UNC80: variants seen among roughly 807,000 people sequenced by gnomAD.
UNC80 encodes the protein protein unc-80 homolog.
UNC80 carries 164 observed loss-of-function variants against 384.6 expected under a neutral mutation model. That is an observed-to-expected ratio of 0.43 (90% CI 0.38 to 0.49). The LOEUF (loss-of-function observed/expected upper bound fraction) is 0.49. Among genes scored for constraint, UNC80 ranks in the 20% least tolerant of loss-of-function variants. The pLI, the probability that UNC80 is intolerant of heterozygous loss-of-function variation, is 0.00. For missense variants in UNC80, 3,330 were observed against 4,143.0 expected (o/e 0.80, Z 5.39); for synonymous variants, 1,486 against 1,527.8 (o/e 0.97, Z 0.64).
At chr2:209,835,922 A>C (rs1353096134) in intron 18 of UNC80, among the ~76,000 whole-genome samples, 1 of 152,200 alleles carries the variant, frequency 6.6e-6, no homozygotes, top group African/African-American at 2.4e-5. Context: ...TCAAAATCTT[A>C]GAAATTTTGT....
intron 51 of UNC80, among the ~76,000 whole-genome samples, chr2:209,963,523 TAGAC>T (rs2092658510): frequency 6.6e-6 from 1 of 152,236 alleles, no homozygotes; most frequent in South Asian, 2.1e-4. Context: ...AAGCTCAAAA[TAGAC>T]AGATTGATTA....
chr2:209,914,831 C>A (rs999272112), intron 31 of UNC80, among the ~76,000 whole-genome samples: 2 of 151,710 alleles, frequency 1.3e-5, no homozygotes, highest in Non-Finnish European at 2.9e-5. Context: ...TATAGTTTTA[C>A]CTCTTCTCTT....
intron 40 of UNC80, among the ~76,000 whole-genome samples, chr2:209,936,224 G>A (rs1352027502): frequency 6.6e-6 from 1 of 152,122 alleles, no homozygotes; most frequent in Non-Finnish European, 1.5e-5. Context: ...ACGATGAATG[G>A]TAGGATAGCA....
At chr2:209,815,198 T>C in intron 8 of UNC80, 59 bp from the exon 9 acceptor site, 1 of 1,487,670 alleles carries the variant, frequency 6.7e-7, no homozygotes, top group Non-Finnish European at 9.0e-7. Flanking sequence ...GACATTTCAA[T>C]AAGAACAGTA....
intron 28 of UNC80, among the ~76,000 whole-genome samples, chr2:209,899,862 C>A (rs1439023207): frequency 6.6e-6 from 1 of 152,194 alleles, no homozygotes; most frequent in Non-Finnish European, 1.5e-5. Flanking sequence ...AAACTGTCAT[C>A]CAGTGTCAGT....
chr2:209,946,401 A>G (rs2091919161), intron 47 of UNC80, among the ~76,000 whole-genome samples: 1 of 151,912 alleles, frequency 6.6e-6, no homozygotes. Context: ...GAAAAAAGAA[A>G]AGGAAAGAAG....
chr2:209,892,348 T>C (rs905449916), intron 26 of UNC80, among the ~76,000 whole-genome samples: 2 of 152,174 alleles, frequency 1.3e-5, no homozygotes, highest in African/African-American at 4.8e-5. Context: ...ACTTTTGTAC[T>C]AGTTCTTGTT....
intron 22 of UNC80, among the ~76,000 whole-genome samples, chr2:209,859,653 G>A (rs1233674803): frequency 2.0e-5 from 3 of 152,170 alleles, no homozygotes; most frequent in Admixed American, 1.3e-4. Flanking sequence ...CATTGACAGT[G>A]TCAAAGTGTT....
chr2:209,825,982 G>A lies in UNC80; in HGVS notation c.2407G>A (p.Ala803Thr). The A allele has an allele frequency of 6.4e-7, 1 of 1,550,976 alleles. No individual in the cohort carries two copies. The highest frequency in any genetic ancestry group is 8.7e-7 in the Non-Finnish European group (1 of 1,146,536). Residue 803 changes from alanine to threonine, a missense_variant, in exon 14 of 65, where the codon GCC (alanine) becomes ACC (threonine). Ala to Thr is a moderately conservative substitution (Grantham distance 58, BLOSUM62 0). Around this residue, in one of 8 missense-constraint regions of UNC80, gnomAD observed 937 missense variants for 1,026.8 expected, o/e 0.91. Coordinates refer to ENST00000673920, the MANE Select transcript of UNC80 (RefSeq NM_001371986.1). ...LIKIVKSLGC[A>T]YGCGEGHRGL... is the part of the protein sequence containing the mutation. Reference sequence around the variant, plus strand: ...CAAAATAGTGAAGTCTTTGGGATGTGCCTATGGTTGTGGTGAAGGACACCG... The same window carrying A: ...CAAAATAGTGAAGTCTTTGGGATGTACCTATGGTTGTGGTGAAGGACACCG...
intron 28 of UNC80, among the ~76,000 whole-genome samples, chr2:209,900,327 T>C (rs780327401): frequency 3.9e-5 from 6 of 152,208 alleles, no homozygotes; most frequent in Non-Finnish European, 8.8e-5. Context: ...CTGTGGCACA[T>C]TTTGGTAGTT....
At chr2:209,969,552 C>A in intron 52 of UNC80, 1 of 547,196 alleles carries the variant, frequency 1.8e-6, no homozygotes, top group Non-Finnish European at 3.1e-6. Context: ...GTTTTTTCTT[C>A]AATAGATTTA....
intron 4 of UNC80, among the ~76,000 whole-genome samples, chr2:209,780,501 C>G (rs2077096450): frequency 6.6e-6 from 1 of 152,160 alleles, no homozygotes; most frequent in Admixed American, 6.5e-5. Context: ...TGTACAATCT[C>G]TAGATCAGGA....
At chr2:209,910,800 T>G (rs1020566026) in intron 29 of UNC80, among the ~76,000 whole-genome samples, 1 of 152,038 alleles carries the variant, frequency 6.6e-6, no homozygotes, top group Admixed American at 6.6e-5. Flanking sequence ...ATTTGCAAAA[T>G]TTAAGAATCA....
At chr2:209,774,741 C>G (rs1329557321) in intron 2 of UNC80, among the ~76,000 whole-genome samples, 1 of 152,046 alleles carries the variant, frequency 6.6e-6, no homozygotes, top group African/African-American at 2.4e-5. Context: ...ATTTATATCA[C>G]CAACATATCT....
chr2:209,796,492 A>C (rs2078164998), intron 7 of UNC80: 1 of 152,196 alleles, frequency 6.6e-6, no homozygotes. Flanking sequence ...TTGGAGGCGC[A>C]AGGGGTGGAA....
intron 30 of UNC80, among the ~76,000 whole-genome samples, chr2:209,913,137 T>G (rs2089142328): frequency 6.6e-6 from 1 of 152,240 alleles, no homozygotes; most frequent in Non-Finnish European, 1.5e-5. Context: ...AAATGGTTCA[T>G]GTACCTACTT....
chr2:209,823,719 T>C (rs917563896), intron 13 of UNC80, among the ~76,000 whole-genome samples: 15 of 151,978 alleles, frequency 9.9e-5, no homozygotes, highest in Non-Finnish European at 1.5e-4. Context: ...TCTATTATTA[T>C]ATGCCTTTCA....
At position 209,887,951 on chromosome 2, in the gene UNC80, C is replaced by T. The variant is rs187686348; in HGVS notation, c.4111-144C>T. 1,117 of 656,356 alleles carry T rather than the reference C, an allele frequency of 1.7e-3. 14 individuals carry two copies. The highest frequency in any genetic ancestry group is 1.7e-4 in the Non-Finnish European group (68 of 397,912). The allele number at this position is 656,356 out of a possible 1,614,324, so 40.7% of individuals were successfully genotyped here. ...TAAGTCAAGAATAGATTTGCATGGTCACAATCTAAAATTAGCGTCAGATAA... is the reference window on the plus strand; with the variant it reads ...TAAGTCAAGAATAGATTTGCATGGTTACAATCTAAAATTAGCGTCAGATAA... On this transcript the variant is annotated intron_variant, in intron 25 of 64. Coordinates refer to ENST00000673920, the MANE Select transcript of UNC80 (RefSeq NM_001371986.1).
intron 2 of UNC80, among the ~76,000 whole-genome samples, chr2:209,773,764 A>G (rs1404919895): frequency 6.6e-6 from 1 of 152,228 alleles, no homozygotes; most frequent in African/African-American, 2.4e-5. Context: ...TGAAAGAACT[A>G]CTTGAACAAA....
Sources: allele counts gnomAD v4.1 joint callset (sites outside exome capture counted in the v4.1 genomes callset), GRCh38; gene constraint gnomAD v4.1.1; regional missense constraint gnomAD v4.1.1; transcripts MANE v1.5; gene names NCBI Gene and HGNC (gene_info 2026-07-23, HGNC 2026-07-21).